Variants in C5 observed in about 807,000 individuals in gnomAD.
C5 encodes complement C5, also known as C3 and PZP-like alpha-2-macroglobulin domain-containing protein 4.
A neutral mutation model predicts 218.8 loss-of-function variants in C5; 140 were observed. That is an observed-to-expected ratio of 0.64 (90% CI 0.56 to 0.74). The LOEUF (loss-of-function observed/expected upper bound fraction) is 0.74, where lower values mean the gene tolerates loss of function less well. Among genes scored for constraint, C5 ranks in the 30% least tolerant of loss-of-function variants. C5 has a pLI of 0.00. For synonymous variants in C5, 614 were observed against 682.3 expected (o/e 0.90, Z 1.56); for missense variants, 1,700 against 1,969.6 (o/e 0.86, Z 2.59).
chr9:121,021,267 C>T (rs2047362900), intron 11 of C5, among the ~76,000 whole-genome samples: 1 of 152,158 alleles, frequency 6.6e-6, no homozygotes, highest in Admixed American at 6.6e-5. Context: ...CTGATATGGT[C>T]TTAACGGTGT....
chr9:121,054,268 T>C (rs539899500), upstream of C5, among the ~76,000 whole-genome samples: 41 of 152,282 alleles, frequency 2.7e-4, no homozygotes, highest in South Asian at 8.3e-3. Context: ...AATCACACCC[T>C]ACAAACCATA....
At chr9:121,035,985 G>A (rs2131805787) in intron 4 of C5, among the ~76,000 whole-genome samples, 1 of 151,840 alleles carries the variant, frequency 6.6e-6, no homozygotes, top group Middle Eastern at 3.4e-3. Context: ...AGGAGTTTGA[G>A]GCTACAGTGA....
chr9:120,963,711 T>A lies in C5; in HGVS notation c.4248A>T (p.Ser1416=), dbSNP rs1282214355. 6 of 1,613,676 alleles carry A rather than the reference T, an allele frequency of 3.7e-6. No individual in the cohort carries two copies. The East Asian group carries it at 8.9e-5, about 24-fold the overall frequency. The change falls in exon 34 of 41, where the codon TCA becomes TCT. Residue 1416 remains serine (S), a synonymous_variant. Transcript: ENST00000223642. ...CCATCACCGCATGAGAGGATCCAGATGATGATTCTTCCCTGCTGGGCTTGT... is the reference window on the plus strand; with the variant it reads ...CCATCACCGCATGAGAGGATCCAGAAGATGATTCTTCCCTGCTGGGCTTGT... ...ASYKPSREES[S]SGSSHAVMDI... is the part of the protein sequence containing the mutation.
At chr9:121,069,616 C>A in the C5 span, among the ~76,000 whole-genome samples, 2 of 151,790 alleles carry the variant, frequency 1.3e-5, no homozygotes, top group African/African-American at 4.8e-5. Flanking sequence ...CAGGCTCAAG[C>A]AATCCTCCCA....
chr9:121,071,542 A>T, the C5 span, among the ~76,000 whole-genome samples: 1 of 152,074 alleles, frequency 6.6e-6, no homozygotes, highest in African/African-American at 2.4e-5. Flanking sequence ...AAAATTAGCT[A>T]GGTGTGGTGG....
intron 27 of C5, 131 bp downstream of exon 27, chr9:120,981,713 T>C (rs977194953): frequency 1.9e-5 from 13 of 683,490 alleles, no homozygotes; most frequent in Admixed American, 9.2e-5. Context: ...TTCTGGAGTT[T>C]AAGTTATTTT....
the C5 span, among the ~76,000 whole-genome samples, chr9:121,058,698 CA>C: frequency 6.6e-6 from 1 of 152,206 alleles, no homozygotes; most frequent in Non-Finnish European, 1.5e-5. Context: ...CTCGGCTTCC[CA>C]AAGTGCTGGG....
intron 21 of C5, among the ~76,000 whole-genome samples, chr9:120,996,979 A>G (rs2047122187): frequency 6.6e-6 from 1 of 151,962 alleles, no homozygotes; most frequent in African/African-American, 2.4e-5. Context: ...TAATAGCGTG[A>G]ATACAATTAA....
rs2131773667 is a variant in C5, at chr9:121,021,573, A to G, written c.1238T>C (p.Val413Ala). 1.9e-6 allele frequency: 3 copies of G among 1,613,966 alleles called. No individual in the cohort carries two copies. The highest frequency in any genetic ancestry group is 2.2e-5 in the East Asian group (1 of 44,860). ...CACAAAGGAAGCTACTCCATCATCA[A>G]CACGTGTTACACTTTTGCTTGGATC... ...DLDPSKSVTR[V>A]DDGVASFVLN... Residue 413 changes from valine to alanine, a missense_variant, in exon 11 of 41, where the codon GTT (valine) becomes GCT (alanine). By Grantham distance (64) the Val-to-Ala change is moderately conservative (BLOSUM62 0). Coordinates refer to ENST00000223642, the MANE Select transcript of C5 (RefSeq NM_001735.3).
At chr9:120,974,126 C>T (rs1039310541) in intron 30 of C5, among the ~76,000 whole-genome samples, 2 of 152,124 alleles carry the variant, frequency 1.3e-5, no homozygotes, top group Admixed American at 6.5e-5. Context: ...GTATCAGCAG[C>T]TATATGTGGG....
chr9:121,003,188 G>A lies in C5; in HGVS notation c.2562+2731C>T, dbSNP rs1028108717. 1.6e-4 allele frequency among the ~76,000 whole-genome samples: 24 copies of A among 152,104 alleles called. 1 individual carries two copies. Among genetic ancestry groups the A allele is most frequent in the African/African-American group, 4.6e-4 (19 of 41,420 alleles). On this transcript the variant is annotated intron_variant, in intron 20 of 40. Transcript: ENST00000223642. ...TGCTTGTAATCCCAGCTACTCAGGA[G>A]GCTGAGGCAGGAGAATCACTTGAAC...
At chr9:120,958,752 A>G (rs986098392) in intron 38 of C5, among the ~76,000 whole-genome samples, 3 of 152,130 alleles carry the variant, frequency 2.0e-5, no homozygotes, top group Non-Finnish European at 2.9e-5. Context: ...CAAATTATTT[A>G]ATCTCCCTGA....
chr9:120,981,064 T>G (rs2046989379), intron 27 of C5, among the ~76,000 whole-genome samples: 1 of 152,214 alleles, frequency 6.6e-6, no homozygotes, highest in Admixed American at 6.5e-5. Flanking sequence ...ATAGTCCCGA[T>G]CACTAGTCCT....
chr9:120,988,943 G>T, intron 25 of C5, 103 bp downstream of exon 25: 3 of 848,462 alleles, frequency 3.5e-6, no homozygotes, highest in Non-Finnish European at 6.2e-6. Flanking sequence ...GGATGACGAG[G>T]CTTTTAGCCT....
intron 38 of C5, among the ~76,000 whole-genome samples, chr9:120,959,853 A>T (rs2046813783): frequency 6.6e-6 from 1 of 152,166 alleles, no homozygotes; most frequent in Non-Finnish European, 1.5e-5. Flanking sequence ...CCCTGAAGAT[A>T]TTTTTTTAAA....
rs1326801258 is a variant in C5 at position 120,962,934 on chromosome 9, A to G, written c.4357T>C (p.Tyr1453His). The G allele has an allele frequency of 6.2e-7, 1 of 1,614,080 alleles. No individual in the cohort carries two copies. The highest frequency in any genetic ancestry group is 1.7e-5 in the Admixed American group (1 of 60,022). ...VEGVDQLFTD[Y>H]QIKDGHVILQ... ...ATAACATGTCCATCTTTGATTTGGT[A>G]ATCAGTGAATAGTTGATCCACCCCT... is the stretch of plus-strand genomic sequence containing the variant. The change falls in exon 35 of 41, where the codon TAC (tyrosine) becomes CAC (histidine). Residue 1453 changes from tyrosine (Y) to histidine (H), a missense_variant. Coordinates refer to ENST00000223642, the MANE Select transcript of C5 (RefSeq NM_001735.3).
Position 120,980,194 on chromosome 9 carries a change from G to A in C5, c.3547C>T (p.Gln1183Ter). The A allele has an allele frequency of 6.2e-7, 1 of 1,614,120 alleles. No homozygotes were observed. Among genetic ancestry groups the A allele is most frequent in the Non-Finnish European group, 8.5e-7 (1 of 1,179,976 alleles). The part of the protein sequence containing the change: ...NFLLENTLPA[Q>*]STFTLAISAY... Reference sequence around the variant, plus strand: ...GAAATGGCCAATGTAAAGGTGCTCTGGGCTGGCAGTGTATTTTCAAGCAGA... The same window carrying A: ...GAAATGGCCAATGTAAAGGTGCTCTAGGCTGGCAGTGTATTTTCAAGCAGA... The change falls in exon 28 of 41, where the codon CAG (glutamine) becomes TAG (stop). Residue 1183 changes from glutamine to a stop codon, truncating the protein, a stop_gained. Coordinates refer to ENST00000223642, the MANE Select transcript of C5 (RefSeq NM_001735.3). LOFTEE classifies it high-confidence loss of function.
At chr9:120,985,123 G>T (rs1324207713) in intron 25 of C5, among the ~76,000 whole-genome samples, 1 of 152,096 alleles carries the variant, frequency 6.6e-6, no homozygotes, top group Non-Finnish European at 1.5e-5. Flanking sequence ...CTTCCCTAAA[G>T]GTAAAGCAAA....
chr9:121,023,598 G>T, intron 9 of C5, 79 bp from the exon 10 acceptor site: 1 of 819,070 alleles, frequency 1.2e-6, no homozygotes, highest in Non-Finnish European at 2.2e-6. Context: ...ATCTCTATAT[G>T]TCTCCACAGA....
Sources: gnomAD v4.1 joint callset for allele counts (sites outside exome capture counted in the v4.1 genomes callset) on GRCh38, gnomAD v4.1.1 for gene constraint, MANE v1.5 for transcripts, NCBI Gene and HGNC (gene_info 2026-07-23, HGNC 2026-07-21) for gene names.